GRHL2: variants seen among roughly 807,000 people sequenced by gnomAD.
GRHL2 encodes the protein grainyhead-like protein 2 homolog.
GRHL2 carries 21 observed loss-of-function variants against 83.8 expected under a neutral mutation model. The ratio of observed to expected loss-of-function variants is 0.25; its 90% CI spans 0.18 to 0.36. The LOEUF is 0.36. Among genes scored for constraint, GRHL2 ranks in the 10% least tolerant of loss-of-function variants. The probability of loss-of-function intolerance (pLI) is 1.00; values close to 1 mark genes in which losing one functional copy is unlikely to be tolerated. For missense variants in GRHL2, 623 were observed against 781.8 expected (o/e 0.80, Z 2.42); for synonymous variants, 280 against 278.9 (o/e 1.00, Z -0.04).
At chr8:101,655,040 G>A (rs565569168) in intron 14 of GRHL2, among the ~76,000 whole-genome samples, 1 of 152,198 alleles carries the variant, frequency 6.6e-6, no homozygotes, top group Admixed American at 6.5e-5. Flanking sequence ...AAATTAGCCA[G>A]GTGTGGTGGT....
At chr8:101,655,200 AGAAG>A (rs1813760471) in intron 14 of GRHL2, among the ~76,000 whole-genome samples, 1 of 151,804 alleles carries the variant, frequency 6.6e-6, no homozygotes. Flanking sequence ...AAAAAAAAGA[AGAAG>A]GAAGTCTCCC....
At chr8:101,621,681 A>C (rs928936394) in intron 9 of GRHL2, among the ~76,000 whole-genome samples, 1 of 152,148 alleles carries the variant, frequency 6.6e-6, no homozygotes, top group African/African-American at 2.4e-5. Flanking sequence ...GGATCACATG[A>C]GTCCAGGAGT....
chr8:101,503,721 A>G (rs1306210184), intron 1 of GRHL2, among the ~76,000 whole-genome samples: 1 of 152,226 alleles, frequency 6.6e-6, no homozygotes, highest in Non-Finnish European at 1.5e-5. Context: ...TGGTTTAGTG[A>G]GATGATGGGA....
At chr8:101,627,446 G>T in intron 9 of GRHL2, among the ~76,000 whole-genome samples, 1 of 152,182 alleles carries the variant, frequency 6.6e-6, no homozygotes, top group East Asian at 1.9e-4. Flanking sequence ...ATTGATCAGT[G>T]TTGTGTATGT....
chr8:101,605,046 A>G (rs1400539421), intron 8 of GRHL2, among the ~76,000 whole-genome samples: 1 of 152,238 alleles, frequency 6.6e-6, no homozygotes, highest in Non-Finnish European at 1.5e-5. Context: ...TTGCCAGAGC[A>G]TCAGCAAATG....
At chr8:101,555,573 G>T (rs1225563065) in intron 3 of GRHL2, among the ~76,000 whole-genome samples, 1 of 152,008 alleles carries the variant, frequency 6.6e-6, no homozygotes, top group African/African-American at 2.4e-5. Flanking sequence ...GGGTGGTCTG[G>T]GTTTTGGCAT....
Position 101,669,246 on chromosome 8 carries a change from A to ATTTTT in GRHL2, c.*2546_*2550dup, listed in dbSNP as rs1296511438. On this transcript the variant is annotated 3_prime_UTR_variant, in exon 16 of 16. Transcript: ENST00000646743. ...AAGATCATGGACATGTGAAATGAGC[A>ATTTTT]TTTTTTTCTTTTTTTTTTTTAACAA... The ATTTTT allele has an allele frequency of 2.1e-4, 2 of 9,728 alleles. No individual in the cohort carries two copies. The highest frequency in any genetic ancestry group is 2.2e-4 in the Non-Finnish European group (1 of 4,568). The allele number at this position is 9,728 out of a possible 1,614,324, so 0.6% of individuals were successfully genotyped here.
chr8:101,559,397 G>T (rs1461135594), intron 4 of GRHL2, among the ~76,000 whole-genome samples: 1 of 149,748 alleles, frequency 6.7e-6, no homozygotes, highest in Non-Finnish European at 1.5e-5. Flanking sequence ...AGGCCTGGTG[G>T]CAGGCACCTG....
chr8:101,626,748 T>C (rs148265614), intron 9 of GRHL2, among the ~76,000 whole-genome samples: 299 of 152,206 alleles, frequency 2.0e-3, no homozygotes, highest in African/African-American at 6.8e-3. Flanking sequence ...ATTATTCTCC[T>C]CTGGAAGAAC....
chr8:101,525,581 C>A (rs1586420153), intron 1 of GRHL2, among the ~76,000 whole-genome samples: 1 of 151,038 alleles, frequency 6.6e-6, no homozygotes, highest in African/African-American at 2.4e-5. Flanking sequence ...GTCTTGAATT[C>A]CTGGATTCAA....
chr8:101,656,061 C>G (rs1333572557), intron 14 of GRHL2, among the ~76,000 whole-genome samples: 1 of 152,190 alleles, frequency 6.6e-6, no homozygotes, highest in African/African-American at 2.4e-5. Flanking sequence ...GATGGGCCTT[C>G]CCAGCCCACC....
At chr8:101,598,241 A>T (rs892951142) in intron 7 of GRHL2, among the ~76,000 whole-genome samples, 6 of 137,142 alleles carry the variant, frequency 4.4e-5, no homozygotes, top group Non-Finnish European at 9.2e-5. Context: ...GTCCAAAAAG[A>T]TTTTTTTTTT....
chr8:101,617,645 C>CA (rs1226347870), intron 8 of GRHL2, among the ~76,000 whole-genome samples: 1 of 152,180 alleles, frequency 6.6e-6, no homozygotes, highest in Non-Finnish European at 1.5e-5. Context: ...GCTGGGACTA[C>CA]AGGGATGCAC....
chr8:101,529,601 C>T, intron 1 of GRHL2: 1 of 218,160 alleles, frequency 4.6e-6, no homozygotes. Flanking sequence ...GGCCCCCACC[C>T]ACTGCCTCTC....
At chr8:101,597,833 A>T (rs981933262) in intron 7 of GRHL2, among the ~76,000 whole-genome samples, 1 of 147,582 alleles carries the variant, frequency 6.8e-6, no homozygotes, top group South Asian at 2.2e-4. Context: ...AGTATAATTT[A>T]AAAAAAAAAA....
chr8:101,525,400 A>G (rs528104653), intron 1 of GRHL2, among the ~76,000 whole-genome samples: 1 of 152,328 alleles, frequency 6.6e-6, no homozygotes, highest in Admixed American at 6.5e-5. Context: ...CATATGAAAA[A>G]TTAAAGACAG....
intron 1 of GRHL2, among the ~76,000 whole-genome samples, chr8:101,511,855 A>G (rs1315563686): frequency 2.0e-5 from 3 of 152,172 alleles, no homozygotes; most frequent in South Asian, 2.1e-4. Flanking sequence ...AATTTATTCA[A>G]TGAAGAAATG....
rs182346256 is a variant in GRHL2, at chr8:101,570,327, C to A, written c.679-12C>A. ...CCTATTTGTTTTAATTCCGATGACTCATATTTTGCAGAAATTTCGGAGTGC... is the reference window on the plus strand; with the variant it reads ...CCTATTTGTTTTAATTCCGATGACTAATATTTTGCAGAAATTTCGGAGTGC... On this transcript the variant is annotated splice_polypyrimidine_tract_variant and intron_variant, in intron 4 of 15. Transcript: ENST00000646743. 13 of 1,610,802 alleles carry A rather than the reference C, an allele frequency of 8.1e-6. No individual in the cohort carries two copies. The East Asian group carries it at 1.6e-4, about 19-fold the overall frequency.
At chr8:101,498,696 T>G (rs1810159385) in intron 1 of GRHL2, among the ~76,000 whole-genome samples, 1 of 151,996 alleles carries the variant, frequency 6.6e-6, no homozygotes, top group Admixed American at 6.6e-5. Flanking sequence ...TAAGGGAGAT[T>G]AGGAGTAAGT....
Sources: allele counts gnomAD v4.1 joint callset (sites outside exome capture counted in the v4.1 genomes callset), GRCh38; gene constraint gnomAD v4.1.1; transcripts MANE v1.5; gene names NCBI Gene and HGNC (gene_info 2026-07-23, HGNC 2026-07-21).